ZDHHC4: variants seen among roughly 807,000 people sequenced by gnomAD.
ZDHHC4 encodes palmitoyltransferase ZDHHC4.
A neutral mutation model predicts 36.7 loss-of-function variants in ZDHHC4; 42 were observed. The ratio of observed to expected loss-of-function variants is 1.14; its 90% CI spans 0.89 to 1.48. ZDHHC4 has a LOEUF of 1.48. ZDHHC4 is among the 40% of genes most tolerant of loss of function. ZDHHC4 has a pLI of 0.00. For missense variants in ZDHHC4, 457 were observed against 421.5 expected, an observed-to-expected ratio of 1.08 and a Z score of -0.74; for synonymous variants, 189 against 166.6, an observed-to-expected ratio of 1.13 and a Z score of -1.03.
At chr7:6,581,037 C>A in intron 3 of ZDHHC4, 1 of 279,186 alleles carries the variant, frequency 3.6e-6, no homozygotes, top group South Asian at 4.5e-5. Flanking sequence ...AGTCCTCTTG[C>A]GGTGGTGCTT....
At chr7:6,582,371 A>G (rs1780920779) in intron 5 of ZDHHC4, 120 bp downstream of exon 5, 4 of 961,596 alleles carry the variant, frequency 4.2e-6, no homozygotes, top group Non-Finnish European at 6.1e-6. Flanking sequence ...TAGCATTTTC[A>G]TTACCTTTCA....
chr7:6,582,374 A>G (rs1485229091), intron 5 of ZDHHC4, 123 bp downstream of exon 5: 10 of 950,000 alleles, frequency 1.1e-5, no homozygotes, highest in Non-Finnish European at 1.6e-5. Flanking sequence ...CATTTTCATT[A>G]CCTTTCAGTT....
In ZDHHC4 at chr7:6,583,426, A is replaced by C. The variant is rs766286316; in HGVS notation, c.491A>C (p.His164Pro). Residue 164 changes from histidine (H) to proline (P), a missense_variant, in exon 6 of 8, where the codon CAC (histidine) becomes CCC (proline). By Grantham distance (77) the His-to-Pro change is moderately conservative. Transcript: ENST00000335965. ...CDLRKPARSK[H>P]CSVCNWCVHR... is the part of the protein sequence containing the mutation. ...TTAAGGAAACCAGCTCGATCCAAGCACTGCAGTGAGTGTGGCTCTCGTGAC... is the reference window on the plus strand; with the variant it reads ...TTAAGGAAACCAGCTCGATCCAAGCCCTGCAGTGAGTGTGGCTCTCGTGAC... The C allele has an allele frequency of 4.3e-6, 7 of 1,611,292 alleles. No homozygotes were observed. Among genetic ancestry groups the C allele is most frequent in the Non-Finnish European group, 2.5e-6 (3 of 1,178,022 alleles).
At chr7:6,585,581 G>C (rs572821633) in intron 7 of ZDHHC4, among the ~76,000 whole-genome samples, 54 of 152,266 alleles carry the variant, frequency 3.5e-4, no homozygotes, top group African/African-American at 1.3e-3. Flanking sequence ...AAGACAAGCA[G>C]ATTGCCTGAG....
chr7:6,584,876 A>G, intron 6 of ZDHHC4, 140 bp from the exon 7 acceptor site: 1 of 1,289,778 alleles, frequency 7.8e-7, no homozygotes, highest in Non-Finnish European at 1.1e-6. Context: ...ACAGTTCCAA[A>G]AGCTTAGTTT....
intron 5 of ZDHHC4, 47 bp downstream of exon 5, chr7:6,582,298 T>A: frequency 2.0e-6 from 3 of 1,536,058 alleles, no homozygotes; most frequent in Non-Finnish European, 2.7e-6. Context: ...CTCCACTGTC[T>A]TACTAATAGT....
In ZDHHC4 at chr7:6,588,740, G is replaced by A. The variant is rs753974905; in HGVS notation, c.865G>A (p.Glu289Lys). The change falls in exon 8 of 8, where the codon GAG becomes AAG. Residue 289 changes from glutamate to lysine, a missense_variant. Physicochemically the swap from Glu to Lys is moderately conservative, Grantham distance 56 (BLOSUM62 1). Coordinates refer to ENST00000335965, the MANE Select transcript of ZDHHC4 (RefSeq NM_001134389.2). ...GGCGGCCACCAACCAGACTACTAAC[G>A]AGTGGTACAGAGGTGACTGGGCCTG... is the stretch of plus-strand genomic sequence containing the variant. ...YLAATNQTTN[E>K]WYRGDWAWCQ... The A allele has an allele frequency of 3.1e-6, 5 of 1,614,182 alleles. No homozygotes were observed. Among genetic ancestry groups the A allele is most frequent in the Non-Finnish European group, 4.2e-6 (5 of 1,180,036 alleles).
At chr7:6,581,750 G>C in intron 4 of ZDHHC4, 70 bp downstream of exon 4, 1 of 1,261,700 alleles carries the variant, frequency 7.9e-7, no homozygotes, top group South Asian at 1.3e-5. Flanking sequence ...AGATCCTCTA[G>C]CTTCAGGAAG....
In ZDHHC4 at chr7:6,581,998, G is replaced by A. The variant is rs913752893; in HGVS notation, c.192-75G>A. On this transcript the variant is annotated intron_variant, in intron 4 of 7. Transcript: ENST00000335965. ...AGCCCAAAGGAAGTGGTTGGCCGTTGGTTACTTTCTTTAGTATCATACAAT... is the reference window on the plus strand; with the variant it reads ...AGCCCAAAGGAAGTGGTTGGCCGTTAGTTACTTTCTTTAGTATCATACAAT... 1.4e-5 allele frequency: 20 copies of A among 1,453,074 alleles called. No homozygotes were observed. The Admixed American group carries it at 4.0e-4, about 29-fold the overall frequency. The allele number at this position is 1,453,074 out of a possible 1,614,324, so 90.0% of individuals were successfully genotyped here. A position where few individuals can be genotyped will look rare whatever the true frequency, so the allele number is the denominator to read the frequency against.
In ZDHHC4 at chr7:6,582,268, A is replaced by G. The variant is rs1780907530; in HGVS notation, c.370+17A>G. 1 of 1,610,718 alleles carries G rather than the reference A, an allele frequency of 6.2e-7. No homozygotes were observed. Among genetic ancestry groups the G allele is most frequent in the East Asian group, 2.2e-5 (1 of 44,854 alleles). On this transcript the variant is annotated intron_variant, in intron 5 of 7. Transcript: ENST00000335965. ...CCAATCCTGGTAAGTTGAGGCTCTT[A>G]GCATACAGCATGGTGACAGCTCCAC...
intron 4 of ZDHHC4, 130 bp downstream of exon 4, chr7:6,581,810 C>G (rs1212013973): frequency 6.0e-6 from 5 of 833,588 alleles, no homozygotes; most frequent in South Asian, 5.4e-5. Context: ...GAAAGAATCA[C>G]GAGTCCTGAG....
intron 6 of ZDHHC4, 192 bp from the exon 7 acceptor site, chr7:6,584,824 C>A: frequency 1.4e-6 from 1 of 715,362 alleles, no homozygotes; most frequent in Non-Finnish European, 2.2e-6. Flanking sequence ...ATTGCAAGTG[C>A]TCAATACCCA....
At chr7:6,584,976 C>T (rs767896286) in intron 6 of ZDHHC4, 40 bp from the exon 7 acceptor site, 2 of 1,609,774 alleles carry the variant, frequency 1.2e-6, no homozygotes, top group Non-Finnish European at 1.7e-6. Flanking sequence ...CTTGTCTCGT[C>T]AAGCACCATC....
chr7:6,588,588 C>T, intron 7 of ZDHHC4, 29 bp from the exon 8 acceptor site: 3 of 1,608,152 alleles, frequency 1.9e-6, no homozygotes, highest in Non-Finnish European at 2.6e-6. Flanking sequence ...GTCCAGCTGC[C>T]TAAAGCACTA....
chr7:6,583,546 T>A, intron 6 of ZDHHC4, 115 bp downstream of exon 6: 1 of 1,366,786 alleles, frequency 7.3e-7, no homozygotes, highest in East Asian at 2.5e-5. Context: ...CCAGATATGG[T>A]GTGGCCACTA....
chr7:6,588,389 C>A (rs1781404239), intron 7 of ZDHHC4, among the ~76,000 whole-genome samples: 1 of 152,206 alleles, frequency 6.6e-6, no homozygotes, highest in African/African-American at 2.4e-5. Context: ...TTTCCCTTTT[C>A]CTTCAGTGTG....
At chr7:6,584,153 TA>T (rs906832355) in intron 6 of ZDHHC4, 60 of 152,344 alleles carry the variant, frequency 3.9e-4, no homozygotes, top group African/African-American at 1.2e-3. Context: ...CCTACATATG[TA>T]AAATATCATT....
chr7:6,588,905 G>C lies in ZDHHC4; in HGVS notation c.1030G>C (p.Glu344Gln), dbSNP rs1781470353. Reference protein sequence around the residue: ...AFPCHERKKQE With the variant: ...AFPCHERKKQQ ...TCCATGTCATGAGAGGAAGAAACAA[G>C]AATGACAAGTGTATGACTGCCTTTG... Residue 344 changes from glutamate to glutamine, a missense_variant, in exon 8 of 8, where the codon GAA becomes CAA. By Grantham distance (29) the Glu-to-Gln change is conservative (BLOSUM62 2). Transcript: ENST00000335965. 1 of 1,605,236 alleles carries C rather than the reference G, an allele frequency of 6.2e-7. No individual in the cohort carries two copies. Among genetic ancestry groups the C allele is most frequent in the East Asian group, 2.2e-5 (1 of 44,572 alleles).
intron 5 of ZDHHC4, among the ~76,000 whole-genome samples, chr7:6,582,616 C>G (rs1211692264): frequency 6.6e-6 from 1 of 152,134 alleles, no homozygotes; most frequent in Non-Finnish European, 1.5e-5. Context: ...CTCCCGGGTT[C>G]AAGGGATTCT....
Sources: allele counts gnomAD v4.1 joint callset (sites outside exome capture counted in the v4.1 genomes callset), GRCh38; gene constraint gnomAD v4.1.1; transcripts MANE v1.5; gene names NCBI Gene and HGNC (gene_info 2026-07-23, HGNC 2026-07-21).